MLLT1: variants seen among roughly 807,000 people sequenced by gnomAD.
The protein encoded by MLLT1 is protein ENL.
Under a neutral mutation model 55.1 loss-of-function variants are expected in MLLT1, and 11 were observed. The observed-to-expected ratio is 0.20, with a 90% confidence interval of 0.13 to 0.33. The LOEUF is 0.33. Ranked by LOEUF, MLLT1 falls within the 10% of genes least tolerant of loss-of-function variation. MLLT1 has a pLI of 1.00. For synonymous variants in MLLT1, 323 were observed against 320.1 expected (o/e 1.01, Z -0.10); for missense variants, 536 against 760.6 (o/e 0.70, Z 3.47).
rs753838099 is a variant in MLLT1, at chr19:6,222,325, C to A, written c.906G>T (p.Lys302Asn). ...CACTCCGGGACCCCTTCGAGCTGCT[C>A]TTCTTCTGCTTCTTGGCGCTGGGCT... Reference protein sequence around the residue: ...SPKPSAKKQKKSSSKGSRSAP... With the variant: ...SPKPSAKKQKNSSSKGSRSAP... Residue 302 changes from lysine to asparagine, a missense_variant, in exon 6 of 12, where the codon AAG becomes AAT. Lys to Asn is a moderately conservative substitution (Grantham distance 94). Coordinates refer to ENST00000252674, the MANE Select transcript of MLLT1 (RefSeq NM_005934.4). This position sits in a 1 kb window ranked among gnomAD's most constrained non-coding sequence, Gnocchi z 4.1. 6.4e-7 allele frequency: 1 copy of A among 1,563,396 alleles called. No homozygotes were observed.
At chr19:6,255,264 G>A (rs968834586) in intron 3 of MLLT1, among the ~76,000 whole-genome samples, 1 of 152,124 alleles carries the variant, frequency 6.6e-6, no homozygotes, top group African/African-American at 2.4e-5. Context: ...AGGCCGAGGT[G>A]GGCGGATCAC....
intron 3 of MLLT1, among the ~76,000 whole-genome samples, chr19:6,243,374 G>A (rs893071270): frequency 2.6e-5 from 4 of 152,160 alleles, no homozygotes; most frequent in African/African-American, 9.6e-5. Context: ...TGACTCCAGG[G>A]CACAGACAAG....
intron 1 of MLLT1, among the ~76,000 whole-genome samples, chr19:6,276,797 G>A (rs1431671531): frequency 2.6e-5 from 4 of 152,160 alleles, no homozygotes; most frequent in African/African-American, 9.7e-5. Context: ...TTGGGGCGGA[G>A]GGGGAATCAA....
Position 6,273,048 on chromosome 19 carries a change from G to C in MLLT1, c.13-2289C>G, listed in dbSNP as rs993491688. On this transcript the variant is annotated intron_variant, in intron 1 of 11. Transcript: ENST00000252674. This position sits in a 1 kb window ranked among gnomAD's most constrained non-coding sequence, Gnocchi z 4.3. The stretch of plus-strand genomic sequence containing the variant: ...CCCTCTGGAGTTCCCTGGGAAAAGA[G>C]GGCAGGGACTCCCTAGGGACCAGGC... Among the ~76,000 whole-genome samples, 1 of 152,164 alleles carries C rather than the reference G, an allele frequency of 6.6e-6. No homozygotes were observed. Among genetic ancestry groups the C allele is most frequent in the East Asian group, 1.9e-4 (1 of 5,198 alleles).
intron 6 of MLLT1, among the ~76,000 whole-genome samples, chr19:6,218,617 C>T (rs748389973): frequency 6.6e-6 from 1 of 152,168 alleles, no homozygotes; most frequent in Non-Finnish European, 1.5e-5. Flanking sequence ...AAGCCCGGCC[C>T]CACCCGCCTC....
intron 3 of MLLT1, among the ~76,000 whole-genome samples, chr19:6,246,405 G>A (rs958199926): frequency 1.5e-4 from 23 of 152,118 alleles, no homozygotes; most frequent in East Asian, 1.9e-4. Flanking sequence ...ACAGGTGAAC[G>A]AATAAACAAA....
chr19:6,257,300 G>A (rs1277754063), intron 3 of MLLT1, among the ~76,000 whole-genome samples: 1 of 151,828 alleles, frequency 6.6e-6, no homozygotes, highest in African/African-American at 2.4e-5. Flanking sequence ...TTGAGCCTAG[G>A]AAGTCAGGGT....
intron 3 of MLLT1, among the ~76,000 whole-genome samples, chr19:6,239,519 A>T (rs2091095436): frequency 6.6e-6 from 1 of 152,152 alleles, no homozygotes; most frequent in Non-Finnish European, 1.5e-5. Flanking sequence ...CAGAGGTGTG[A>T]GTCACACTCA....
intron 3 of MLLT1, among the ~76,000 whole-genome samples, chr19:6,247,042 G>A (rs1028649577): frequency 6.6e-6 from 1 of 152,218 alleles, no homozygotes; most frequent in African/African-American, 2.4e-5. Context: ...TCGGGAGCCA[G>A]GTTTCCCCCT....
chr19:6,248,130 C>T (rs1285121010), intron 3 of MLLT1, among the ~76,000 whole-genome samples: 1 of 152,148 alleles, frequency 6.6e-6, no homozygotes, highest in Non-Finnish European at 1.5e-5. Context: ...TCAGGTGATT[C>T]ACTCGCCTTC....
chr19:6,250,583 G>A (rs146843816), intron 3 of MLLT1, among the ~76,000 whole-genome samples: 25 of 152,282 alleles, frequency 1.6e-4, no homozygotes, highest in African/African-American at 6.0e-4. Context: ...TCATCATGCC[G>A]AATACAATGC....
At chr19:6,257,532 G>A (rs1311272347) in intron 3 of MLLT1, among the ~76,000 whole-genome samples, 1 of 151,898 alleles carries the variant, frequency 6.6e-6, no homozygotes, top group African/African-American at 2.4e-5. Flanking sequence ...TGGGCATGGT[G>A]GCTCACGCCT....
intron 3 of MLLT1, among the ~76,000 whole-genome samples, chr19:6,248,176 C>T (rs1249412179): frequency 2.0e-5 from 3 of 152,220 alleles, no homozygotes; most frequent in African/African-American, 7.2e-5. Context: ...GAATGAGCCA[C>T]TGTGCCCAGC....
intron 3 of MLLT1, among the ~76,000 whole-genome samples, chr19:6,247,428 G>T (rs2091179141): frequency 6.6e-6 from 1 of 152,160 alleles, no homozygotes; most frequent in Admixed American, 6.5e-5. Context: ...GAAATGACAG[G>T]CCCGAATGCG....
intron 7 of MLLT1, 37 bp from the exon 8 acceptor site, chr19:6,216,550 G>T: frequency 6.9e-7 from 1 of 1,456,130 alleles, no homozygotes; most frequent in Non-Finnish European, 9.4e-7. Context: ...GGAGACAAGG[G>T]CAGGGCTCCA....
rs1268103634 is a variant in MLLT1, at chr19:6,227,941, T to C, written c.421-839A>G. The stretch of plus-strand genomic sequence containing the variant: ...AAGAAAATACACTTCAAAAAAAAAG[T>C]ATTGAAGTCGGTAGAAGAAGCACTG... On this transcript the variant is annotated intron_variant, in intron 4 of 11. Coordinates refer to ENST00000252674, the MANE Select transcript of MLLT1 (RefSeq NM_005934.4). This position sits in a 1 kb window ranked among gnomAD's most constrained non-coding sequence, Gnocchi z 5.1. Among the ~76,000 whole-genome samples, 1 of 151,894 alleles carries C rather than the reference T, an allele frequency of 6.6e-6. No individual in the cohort carries two copies. The highest frequency in any genetic ancestry group is 1.5e-5 in the Non-Finnish European group (1 of 67,964).
At chr19:6,263,012 C>T (rs961140960) in intron 2 of MLLT1, 1 of 152,180 alleles carries the variant, frequency 6.6e-6, no homozygotes, top group Non-Finnish European at 1.5e-5. Flanking sequence ...GATGAAACTC[C>T]GTCTCTAATA....
At position 6,212,088 on chromosome 19, in the gene MLLT1, G is replaced by C; in HGVS notation, c.*954C>G. On this transcript the variant is annotated 3_prime_UTR_variant, in exon 12 of 12. Coordinates refer to ENST00000252674, the MANE Select transcript of MLLT1 (RefSeq NM_005934.4). The stretch of plus-strand genomic sequence containing the variant: ...TATTTTTTTCAAAGTTTGAAGACTT[G>C]AATGAAAGAGAGGAAGAGGAGCCTA... The C allele has an allele frequency of 9.4e-7, 1 of 1,066,254 alleles. No homozygotes were observed. The highest frequency in any genetic ancestry group is 1.6e-5 in the African/African-American group (1 of 61,194). 66.0% of individuals were successfully genotyped at this position (1,066,254 alleles called of 1,614,324 possible). A position where few individuals can be genotyped will look rare whatever the true frequency, so the allele number is the denominator to read the frequency against.
chr19:6,239,811 C>G (rs1339267478), intron 3 of MLLT1, among the ~76,000 whole-genome samples: 8 of 152,200 alleles, frequency 5.3e-5, no homozygotes, highest in Admixed American at 2.0e-4. Flanking sequence ...CACTCACATG[C>G]ACACTCAGAC....
Sources: allele counts gnomAD v4.1 joint callset (sites outside exome capture counted in the v4.1 genomes callset), GRCh38; gene constraint gnomAD v4.1.1; non-coding constraint Gnocchi (gnomAD v3.1); transcripts MANE v1.5; gene names NCBI Gene and HGNC (gene_info 2026-07-23, HGNC 2026-07-21).